MYH13: variants seen among roughly 807,000 people sequenced by gnomAD.
The protein encoded by MYH13 is myosin-13.
MYH13 carries 177 observed loss-of-function variants against 232.1 expected under a neutral mutation model. The observed-to-expected ratio is 0.76, with a 90% confidence interval of 0.67 to 0.86. MYH13 has a LOEUF of 0.86. Among genes scored for constraint, MYH13 ranks in the 40% least tolerant of loss-of-function variants. MYH13 has a pLI of 0.00. For missense variants in MYH13, 2,246 were observed against 2,405.9 expected (o/e 0.93, Z 1.39); for synonymous variants, 884 against 923.5 (o/e 0.96, Z 0.78).
chr17:10,354,606 G>T, intron 11 of MYH13, 74 bp downstream of exon 11: 1 of 1,354,824 alleles, frequency 7.4e-7, no homozygotes, highest in South Asian at 1.2e-5. Flanking sequence ...TTTCCCATTA[G>T]CTCACTAACG....
rs760233774 is a variant in MYH13, at chr17:10,312,047, G to A, written c.4395C>T (p.Asp1465=). The part of the protein sequence containing the change: ...KVLAEWKQKL[D]ESQAELEAAQ... ...CAGCTTCCAACTCAGCCTGGCTTTC[G>A]TCCAGCTTTTGCTTCCACTCTGCAA... is the stretch of plus-strand genomic sequence containing the variant. The change falls in exon 32 of 41, where the codon GAC becomes GAT. Residue 1465 remains aspartate, a synonymous_variant. Transcript: ENST00000252172. The A allele has an allele frequency of 9.9e-6, 16 of 1,613,830 alleles. No homozygotes were observed. In the East Asian group the frequency reaches 1.6e-4, roughly 16 times the overall value.
In MYH13 at chr17:10,304,482, G is replaced by A. The variant is rs140998059; in HGVS notation, c.5467-984C>T. On this transcript the variant is annotated intron_variant, in intron 37 of 40. Transcript: ENST00000252172. This position sits in a 1 kb window ranked among gnomAD's most constrained non-coding sequence, Gnocchi z 5.3. The stretch of plus-strand genomic sequence containing the variant: ...AGGTCGTTTGGCAAGGGCAGCAAAA[G>A]CTAACCTGACTTGTCCTTGCAGGTG... Among the ~76,000 whole-genome samples, 202 of 152,328 alleles carry A rather than the reference G, an allele frequency of 1.3e-3. 2 individuals are homozygous for A. Among genetic ancestry groups the A allele is most frequent in the African/African-American group, 4.4e-3 (184 of 41,576 alleles).
intron 11 of MYH13, among the ~76,000 whole-genome samples, chr17:10,353,553 G>A (rs1392545776): frequency 6.6e-6 from 1 of 152,092 alleles, no homozygotes; most frequent in Non-Finnish European, 1.5e-5. Flanking sequence ...CTGTAGTTAG[G>A]CAGACCTGTG....
intron 22 of MYH13, among the ~76,000 whole-genome samples, chr17:10,325,701 G>A (rs1389376935): frequency 2.6e-5 from 4 of 151,874 alleles, no homozygotes; most frequent in Non-Finnish European, 4.4e-5. Flanking sequence ...TTATTGAGAC[G>A]GAGTCTCACT....
chr17:10,359,462 T>C (rs2071774342), intron 7 of MYH13, among the ~76,000 whole-genome samples: 1 of 152,174 alleles, frequency 6.6e-6, no homozygotes, highest in African/African-American at 2.4e-5. Context: ...CCACTTGGCT[T>C]TTCCTCTGCA....
rs61338527 is a variant in MYH13 at position 10,355,828 on chromosome 17, CTTTTTTTTTTTTTTTTTTTTTTT to C, written c.739-704_739-682del. The stretch of plus-strand genomic sequence containing the variant: ...TAACTGGTTGGATTGTTCTGTCTGA[CTTTTTTTTTTTTTTTTTTTTTTT>C]TTTTTTTTTTTTTTTTGCTTGTATC... On this transcript the variant is annotated intron_variant, in intron 8 of 40. Coordinates refer to ENST00000252172, the MANE Select transcript of MYH13 (RefSeq NM_003802.3). 2.0e-3 allele frequency among the ~76,000 whole-genome samples: 132 copies of C among 66,818 alleles called. 2 individuals carry two copies. The highest frequency in any genetic ancestry group is 5.1e-3 in the East Asian group (11 of 2,144). 43.8% of individuals were successfully genotyped at this position (66,818 alleles called of 152,430 possible). A position where few individuals can be genotyped will look rare whatever the true frequency, so the allele number is the denominator to read the frequency against.
At position 10,343,204 on chromosome 17, in the gene MYH13, AT is replaced by A. The variant is rs201677244; in HGVS notation, c.1894+595del. On this transcript the variant is annotated intron_variant, in intron 16 of 40. Coordinates refer to ENST00000252172, the MANE Select transcript of MYH13 (RefSeq NM_003802.3). The stretch of plus-strand genomic sequence containing the variant: ...TTGTGAATATCCTAAAAACCACTAA[AT>A]TTTTTTTTTTTTAATAGAGTCTCAC... Among the ~76,000 whole-genome samples the A allele has an allele frequency of 2.3e-3, 337 of 147,038 alleles. 3 individuals carry two copies. The highest frequency in any genetic ancestry group is 6.0e-3 in the African/African-American group (243 of 40,210).
chr17:10,359,200 C>A (rs1188618366), intron 7 of MYH13, among the ~76,000 whole-genome samples: 1 of 152,184 alleles, frequency 6.6e-6, no homozygotes. Flanking sequence ...GCCAGGGAAC[C>A]AACCGCGTGA....
At chr17:10,356,450 G>T (rs1201109583) in intron 8 of MYH13, among the ~76,000 whole-genome samples, 2 of 152,224 alleles carry the variant, frequency 1.3e-5, no homozygotes, top group African/African-American at 4.8e-5. Flanking sequence ...TGAAGGTATT[G>T]TCTTTCACTT....
intron 11 of MYH13, 200 bp from the exon 12 acceptor site, chr17:10,350,894 A>C: frequency 1.5e-6 from 1 of 651,402 alleles, no homozygotes; most frequent in Non-Finnish European, 2.7e-6. Context: ...CTATGGGAAA[A>C]AGATGTGAAT....
intron 35 of MYH13, 64 bp from the exon 36 acceptor site, chr17:10,307,128 G>T: frequency 1.3e-6 from 2 of 1,578,034 alleles, no homozygotes; most frequent in Non-Finnish European, 1.7e-6. Flanking sequence ...AATTGGGAGA[G>T]GGTTGGCTGG....
Position 10,364,427 on chromosome 17 carries a change from T to A in MYH13, c.104A>T (p.Lys35Met). The change falls in exon 3 of 41, where the codon AAG (lysine) becomes ATG (methionine). Residue 35 changes from lysine to methionine, a missense_variant. Coordinates refer to ENST00000252172, the MANE Select transcript of MYH13 (RefSeq NM_003802.3). ...ATTATCCGCTACAAAGCAGGCTTTC[T>A]TGGAATCGAATGGACGATTTTGAGC... Reference protein sequence around the residue: ...IEAQNRPFDSKKACFVADNKE... With the variant: ...IEAQNRPFDSMKACFVADNKE... 6.2e-7 allele frequency: 1 copy of A among 1,613,710 alleles called. No homozygotes were observed. Among genetic ancestry groups the A allele is most frequent in the Non-Finnish European group, 8.5e-7 (1 of 1,179,772 alleles).
chr17:10,334,948 TA>T (rs2071561439), intron 18 of MYH13, among the ~76,000 whole-genome samples: 1 of 151,840 alleles, frequency 6.6e-6, no homozygotes, highest in Non-Finnish European at 1.5e-5. Flanking sequence ...GAGAGAACCT[TA>T]GCAATGGTCT....
intron 12 of MYH13, among the ~76,000 whole-genome samples, chr17:10,348,165 A>T (rs980664815): frequency 1.4e-4 from 21 of 152,182 alleles, no homozygotes; most frequent in African/African-American, 4.8e-4. Flanking sequence ...TGCTTTGCCC[A>T]TTCAGGTAGA....
chr17:10,313,067 G>T (rs2142223968), intron 30 of MYH13, 91 bp downstream of exon 30: 1 of 1,576,768 alleles, frequency 6.3e-7, no homozygotes, highest in Admixed American at 1.7e-5. Context: ...AAAGGCGTGG[G>T]CAGGAAAGAA....
chr17:10,310,024 C>A (rs1482627451), intron 33 of MYH13, among the ~76,000 whole-genome samples, 194 bp from the exon 34 acceptor site: 1 of 150,176 alleles, frequency 6.7e-6, no homozygotes, highest in Non-Finnish European at 1.5e-5. Context: ...GTGATCCTCT[C>A]TCCTTGGCCT....
At position 10,350,636 on chromosome 17, in the gene MYH13, G is replaced by A; in HGVS notation, c.1064C>T (p.Thr355Met). 1.2e-6 allele frequency: 2 copies of A among 1,613,644 alleles called. No individual in the cohort carries two copies. Among genetic ancestry groups the A allele is most frequent in the Non-Finnish European group, 8.5e-7 (1 of 1,179,954 alleles). ...GTTCCCATAATGCATCACGGCTCCC[G>A]TCAGTTTGTAGATCCCGACTTTCTC... ...SEEKVGIYKL[T>M]GAVMHYGNMK... The change falls in exon 12 of 41, where the codon ACG (threonine) becomes ATG (methionine). Residue 355 changes from threonine to methionine, a missense_variant. Transcript: ENST00000252172.
In MYH13 at chr17:10,303,408, C is replaced by T. The variant is rs758559636; in HGVS notation, c.5557G>A (p.Glu1853Lys). 1.9e-6 allele frequency: 3 copies of T among 1,613,876 alleles called. No homozygotes were observed. The highest frequency in any genetic ancestry group is 2.5e-6 in the Non-Finnish European group (3 of 1,179,790). ...GGGACCCCTACCTGGTAAGTCATCT[C>T]CTTGACTTTGCGTTCGTACTTGTGG... ...GAHKYERKVK[E>K]MTYQAEEDHK... Residue 1853 changes from glutamate (E) to lysine (K), a missense_variant, in exon 38 of 41, where the codon GAG becomes AAG. Coordinates refer to ENST00000252172, the MANE Select transcript of MYH13 (RefSeq NM_003802.3).
intron 15 of MYH13, 31 bp from the exon 16 acceptor site, chr17:10,344,140 A>G: frequency 6.2e-7 from 1 of 1,610,164 alleles, no homozygotes; most frequent in African/African-American, 1.3e-5. Flanking sequence ...TCTACATATA[A>G]TAGTGCATAC....
Sources: allele counts gnomAD v4.1 joint callset (sites outside exome capture counted in the v4.1 genomes callset), GRCh38; gene constraint gnomAD v4.1.1; non-coding constraint Gnocchi (gnomAD v3.1); transcripts MANE v1.5; gene names NCBI Gene and HGNC (gene_info 2026-07-23, HGNC 2026-07-21).